Variants in IMMT observed in about 807,000 individuals in gnomAD.
IMMT encodes MICOS complex subunit MIC60.
A neutral mutation model predicts 92.7 loss-of-function variants in IMMT; 40 were observed. The ratio of observed to expected loss-of-function variants is 0.43; its 90% CI spans 0.34 to 0.56. The LOEUF is 0.56. IMMT is among the 20% of genes least tolerant of loss of function. IMMT has a pLI of 0.03. For missense variants in IMMT, 831 were observed against 912.1 expected (o/e 0.91, Z 1.14); for synonymous variants, 322 against 336.1 (o/e 0.96, Z 0.46).
At chr2:86,147,124 A>C (rs1331568148) in intron 13 of IMMT, among the ~76,000 whole-genome samples, 2 of 152,238 alleles carry the variant, frequency 1.3e-5, no homozygotes, top group African/African-American at 4.8e-5. Flanking sequence ...TAATTAGATT[A>C]AATTATATTC....
chr2:86,147,799 A>T lies in IMMT; in HGVS notation c.1436T>A (p.Met479Lys). 6.2e-7 allele frequency: 1 copy of T among 1,613,926 alleles called. No homozygotes were observed. Among genetic ancestry groups the T allele is most frequent in the Non-Finnish European group, 8.5e-7 (1 of 1,179,840 alleles). ...EEVRDAMENE[M>K]RTQLRRQAAA... Reference sequence around the variant, plus strand: ...TGCCTGTCGGCGAAGCTGGGTTCTCATTTCATTTTCCATGGCATCTCTGAC... The same window carrying T: ...TGCCTGTCGGCGAAGCTGGGTTCTCTTTTCATTTTCCATGGCATCTCTGAC... Residue 479 changes from methionine (M) to lysine (K), a missense_variant, in exon 13 of 15, where the codon ATG becomes AAG. Coordinates refer to ENST00000410111, the MANE Select transcript of IMMT (RefSeq NM_006839.3).
chr2:86,172,772 T>C (rs1194793171), intron 4 of IMMT, among the ~76,000 whole-genome samples: 2 of 152,194 alleles, frequency 1.3e-5, no homozygotes, highest in Non-Finnish European at 2.9e-5. Flanking sequence ...ATCAAGCCTC[T>C]ACACCAGCTA....
chr2:86,148,062 G>A (rs1364852732), intron 12 of IMMT, among the ~76,000 whole-genome samples: 1 of 152,138 alleles, frequency 6.6e-6, no homozygotes, highest in Non-Finnish European at 1.5e-5. Flanking sequence ...TTCAAACAAA[G>A]GTCTCTCTCA....
At chr2:86,194,444 G>C (rs935264060) in intron 1 of IMMT, among the ~76,000 whole-genome samples, 7 of 152,108 alleles carry the variant, frequency 4.6e-5, no homozygotes, top group African/African-American at 1.7e-4. Context: ...GAAGAGAAGC[G>C]AACTTGAAAA....
intron 10 of IMMT, among the ~76,000 whole-genome samples, chr2:86,157,050 G>C (rs1675906174): frequency 6.6e-6 from 1 of 152,134 alleles, no homozygotes; most frequent in African/African-American, 2.4e-5. Context: ...TTCTGATGAG[G>C]GAAGCAGTGC....
chr2:86,174,587 T>C (rs948114227), intron 3 of IMMT, among the ~76,000 whole-genome samples: 2 of 152,212 alleles, frequency 1.3e-5, no homozygotes, highest in Admixed American at 6.5e-5. Flanking sequence ...CTCCTTTCCC[T>C]TTCCACTCTC....
intron 1 of IMMT, among the ~76,000 whole-genome samples, chr2:86,187,284 T>A (rs1337390279): frequency 6.6e-6 from 1 of 152,238 alleles, no homozygotes; most frequent in East Asian, 1.9e-4. Flanking sequence ...TTGAGATATT[T>A]TGTATAAATG....
At chr2:86,162,144 G>T in intron 7 of IMMT, 65 bp from the exon 8 acceptor site, 1 of 945,888 alleles carries the variant, frequency 1.1e-6, no homozygotes, top group Non-Finnish European at 1.6e-6. Context: ...AGGCCAACAA[G>T]ATTGAACACA....
chr2:86,171,339 G>A lies in IMMT; in HGVS notation c.428C>T (p.Thr143Ile), dbSNP rs970442848. The change falls in exon 5 of 15, where the codon ACA (threonine) becomes ATA (isoleucine). Residue 143 changes from threonine to isoleucine, a missense_variant. Physicochemically the swap from Thr to Ile is moderately conservative, Grantham distance 89. Coordinates refer to ENST00000410111, the MANE Select transcript of IMMT (RefSeq NM_006839.3). ...TGCAGAAATAATTTGAGCCGCTTCT[G>A]TAGGTGCTATAAATATATGTTACTC... ...GDTPASATAP[T>I]EAAQIISAAG... The A allele has an allele frequency of 1.2e-6, 2 of 1,610,830 alleles. No individual in the cohort carries two copies. Among genetic ancestry groups the A allele is most frequent in the South Asian group, 2.2e-5 (2 of 90,404 alleles).
chr2:86,194,927 T>C (rs530681079), intron 1 of IMMT: 11 of 201,634 alleles, frequency 5.5e-5, no homozygotes, highest in African/African-American at 2.6e-4. Flanking sequence ...GGCACCTCCT[T>C]ATTAAGGATG....
intron 3 of IMMT, 80 bp from the exon 4 acceptor site, chr2:86,173,841 G>A (rs1324336794): frequency 3.6e-5 from 26 of 714,938 alleles, no homozygotes; most frequent in Non-Finnish European, 5.2e-5. Context: ...TATTTCAAAT[G>A]CCAAGTCTTT....
chr2:86,182,915 C>A (rs939645844), intron 1 of IMMT, among the ~76,000 whole-genome samples: 1 of 151,796 alleles, frequency 6.6e-6, no homozygotes, highest in African/African-American at 2.4e-5. Flanking sequence ...CAAAAAAAAC[C>A]CAGTATTTCA....
intron 9 of IMMT, 198 bp downstream of exon 9, chr2:86,159,338 G>A (rs1676095866): frequency 1.6e-6 from 1 of 642,472 alleles, no homozygotes; most frequent in South Asian, 1.6e-5. Context: ...GCCCACCTCG[G>A]CCTGCCAAAG....
chr2:86,194,533 G>A (rs1184868204), intron 1 of IMMT, among the ~76,000 whole-genome samples: 3 of 152,086 alleles, frequency 2.0e-5, no homozygotes, highest in African/African-American at 7.2e-5. Context: ...CACAGTACTT[G>A]GTTTGCTATC....
chr2:86,147,630 A>G, intron 13 of IMMT, 72 bp downstream of exon 13: 1 of 1,469,646 alleles, frequency 6.8e-7, no homozygotes, highest in Non-Finnish European at 9.2e-7. Flanking sequence ...CTCAGAGTAC[A>G]TTAAAAGGAA....
At chr2:86,151,243 ACAAT>A in intron 12 of IMMT, 50 bp downstream of exon 12, 1 of 1,412,272 alleles carries the variant, frequency 7.1e-7, no homozygotes, top group East Asian at 2.3e-5. Context: ...CTACAAGTAA[ACAAT>A]CAAGTTAGAG....
intron 1 of IMMT, among the ~76,000 whole-genome samples, chr2:86,185,782 G>T (rs1199601258): frequency 6.6e-6 from 1 of 152,188 alleles, no homozygotes; most frequent in Non-Finnish European, 1.5e-5. Flanking sequence ...AACTTCTACA[G>T]ACAGGAAGTA....
At chr2:86,149,180 G>A (rs1275758517) in intron 12 of IMMT, among the ~76,000 whole-genome samples, 3 of 152,180 alleles carry the variant, frequency 2.0e-5, no homozygotes, top group East Asian at 3.8e-4. Flanking sequence ...TGAAGGGATA[G>A]GAAATCTCAG....
intron 12 of IMMT, among the ~76,000 whole-genome samples, chr2:86,148,248 T>G (rs1675184228): frequency 6.6e-6 from 1 of 152,194 alleles, no homozygotes; most frequent in Non-Finnish European, 1.5e-5. Flanking sequence ...CTTGGGGAAA[T>G]GATTTATCTT....
Sources: allele counts gnomAD v4.1 joint callset (sites outside exome capture counted in the v4.1 genomes callset), GRCh38; gene constraint gnomAD v4.1.1; transcripts MANE v1.5; gene names NCBI Gene and HGNC (gene_info 2026-07-23, HGNC 2026-07-21).